The following ASTN2 variants were observed in gnomAD, a reference collection of about 807,000 sequenced individuals.
The protein encoded by ASTN2 is astrotactin 2.
In ASTN2, 54 loss-of-function variants were observed where a neutral mutation model predicts 139.8. The observed-to-expected ratio is 0.39, with a 90% CI of 0.31 to 0.48. The LOEUF (loss-of-function observed/expected upper bound fraction) is 0.48, where lower values mean the gene tolerates loss of function less well. ASTN2 is among the 20% of genes least tolerant of loss of function. The pLI is 0.95. For synonymous variants in ASTN2, 756 were observed against 719.5 expected, an observed-to-expected ratio of 1.05 and a Z score of -0.81; for missense variants, 1,565 against 1,725.1, an observed-to-expected ratio of 0.91 and a Z score of 1.64.
intron 19 of ASTN2, among the ~76,000 whole-genome samples, chr9:116,517,970 T>C (rs1310415081): frequency 6.6e-6 from 1 of 152,020 alleles, no homozygotes; most frequent in Non-Finnish European, 1.5e-5. Flanking sequence ...AAAAAAGAAC[T>C]TCAAAAAATG....
intron 20 of ASTN2, among the ~76,000 whole-genome samples, chr9:116,484,797 G>A (rs968802163): frequency 3.3e-5 from 5 of 152,236 alleles, no homozygotes; most frequent in Non-Finnish European, 5.9e-5. Flanking sequence ...GAAAGGAGGG[G>A]TGGTGTCAGG....
chr9:116,526,356 A>T (rs1361533159), intron 19 of ASTN2, among the ~76,000 whole-genome samples: 1 of 152,170 alleles, frequency 6.6e-6, no homozygotes, highest in Non-Finnish European at 1.5e-5. Context: ...TCATGCCTGT[A>T]ATCCCAGCAC....
rs116801287 is a variant in ASTN2, at chr9:116,820,602, G to A, written c.2207+15C>T. On this transcript the variant is annotated intron_variant, in intron 12 of 22. Transcript: ENST00000313400. ...CTGTAAATGGGGCACCTGGGCCTTGGGGACAGAGACTCACCCGCAGAACAT... is the reference window on the plus strand; with the variant it reads ...CTGTAAATGGGGCACCTGGGCCTTGAGGACAGAGACTCACCCGCAGAACAT... 2,170 of 1,610,480 alleles carry A rather than the reference G, an allele frequency of 1.3e-3. 25 individuals are homozygous for A. In the African/African-American group the frequency reaches 0.027, roughly 20 times the overall value.
rs113168039 is a variant in ASTN2 at position 117,087,363 on chromosome 9, T to C, written c.1276+8681A>G. 8.1e-3 allele frequency among the ~76,000 whole-genome samples: 1,237 copies of C among 152,112 alleles called. 18 individuals are homozygous for C. Among genetic ancestry groups the C allele is most frequent in the African/African-American group, 0.028 (1,165 of 41,462 alleles). On this transcript the variant is annotated intron_variant, in intron 5 of 22. Coordinates refer to ENST00000313400, the MANE Select transcript of ASTN2 (RefSeq NM_001365068.1). ...AATCCTCCAGCCTCAGCCTCCTGAG[T>C]AGCTGAAATTAAAGGCACATGCCAC...
chr9:116,529,095 G>C (rs1191523158), intron 19 of ASTN2, among the ~76,000 whole-genome samples: 1 of 152,114 alleles, frequency 6.6e-6, no homozygotes, highest in Non-Finnish European at 1.5e-5. Context: ...CCATCCTCCA[G>C]ACCCCAGAAT....
chr9:117,057,962 T>C (rs939442322), intron 5 of ASTN2, among the ~76,000 whole-genome samples: 8 of 152,194 alleles, frequency 5.3e-5, no homozygotes, highest in African/African-American at 1.9e-4. Flanking sequence ...CCTCTCTTTC[T>C]TCATAAAGGG....
intron 10 of ASTN2, among the ~76,000 whole-genome samples, chr9:116,883,362 T>C (rs1280215111): frequency 6.6e-6 from 1 of 152,208 alleles, no homozygotes; most frequent in Admixed American, 6.5e-5. Flanking sequence ...AGCATTTAAC[T>C]GGGTTGGATG....
intron 22 of ASTN2, among the ~76,000 whole-genome samples, chr9:116,435,616 T>C (rs1054496010): frequency 6.6e-6 from 1 of 152,242 alleles, no homozygotes; most frequent in African/African-American, 2.4e-5. Flanking sequence ...CATCTTTGCA[T>C]TGGTAATTCC....
At chr9:117,115,708 G>T (rs10983532) in intron 4 of ASTN2, among the ~76,000 whole-genome samples, 1 of 151,714 alleles carries the variant, frequency 6.6e-6, no homozygotes, top group Non-Finnish European at 1.5e-5. Context: ...CTGTGCAGTA[G>T]GCTAGGGGTA....
chr9:116,697,597 G>A, intron 16 of ASTN2: 1 of 1,044,484 alleles, frequency 9.6e-7, no homozygotes, highest in South Asian at 1.4e-5. Flanking sequence ...TTCTCTAAAT[G>A]TTTCTTGAGT....
intron 6 of ASTN2, among the ~76,000 whole-genome samples, chr9:117,031,394 C>T (rs190395218): frequency 7.6e-4 from 116 of 152,132 alleles, no homozygotes; most frequent in Non-Finnish European, 1.4e-3. Flanking sequence ...GTGGTCCTTG[C>T]CCTTGAAAAA....
At chr9:117,321,126 C>T (rs762438330) in intron 1 of ASTN2, among the ~76,000 whole-genome samples, 8 of 152,168 alleles carry the variant, frequency 5.3e-5, no homozygotes, top group Non-Finnish European at 1.0e-4. Context: ...GAGAGAAACA[C>T]GCCTGCCTAA....
rs541227245 is a variant in ASTN2 at position 117,414,968 on chromosome 9, C to CGGCGGCGGT, written c.-39_-31dup. ...GGAGGGGCTGCGGTGCTGCGGGCGG[C>CGGCGGCGGT]GGCGGCGGTGGCGGCGGTGGCGAAG... On this transcript the variant is annotated 5_prime_UTR_variant, in exon 1 of 23. Transcript: ENST00000313400. This position sits in a 1 kb window ranked among gnomAD's most constrained non-coding sequence, Gnocchi z 4.2. 1,813 of 239,220 alleles carry CGGCGGCGGT rather than the reference C, an allele frequency of 7.6e-3. 29 individuals are homozygous for CGGCGGCGGT. The highest frequency in any genetic ancestry group is 0.035 in the African/African-American group (1,501 of 42,778). The allele number at this position is 239,220 out of a possible 1,614,324, so 14.8% of individuals were successfully genotyped here.
At chr9:117,237,502 CAG>C (rs1564497003) in intron 2 of ASTN2, among the ~76,000 whole-genome samples, 1 of 152,092 alleles carries the variant, frequency 6.6e-6, no homozygotes, top group Admixed American at 6.6e-5. Flanking sequence ...TCTTTTGAGA[CAG>C]AGTTTTGCTC....
intron 7 of ASTN2, among the ~76,000 whole-genome samples, chr9:116,987,155 A>T (rs949967515): frequency 6.6e-6 from 1 of 152,370 alleles, no homozygotes; most frequent in East Asian, 1.9e-4. Flanking sequence ...GTCCTCAACC[A>T]AATCTCATAT....
chr9:116,617,963 T>C (rs1855936082), intron 19 of ASTN2, among the ~76,000 whole-genome samples: 2 of 152,294 alleles, frequency 1.3e-5, no homozygotes, highest in East Asian at 1.9e-4. Flanking sequence ...TTGTGTGAAT[T>C]TCCTTACCTC....
chr9:116,696,343 ACT>A (rs1860850452), intron 16 of ASTN2, among the ~76,000 whole-genome samples: 1 of 152,000 alleles, frequency 6.6e-6, no homozygotes. Flanking sequence ...CATTCTATAC[ACT>A]CTATATATTA....
rs977848333 is a variant in ASTN2 at position 116,869,567 on chromosome 9, T to C, written c.1890-5834A>G. 7.9e-5 allele frequency among the ~76,000 whole-genome samples: 12 copies of C among 152,236 alleles called. No homozygotes were observed. The East Asian group carries it at 2.1e-3, about 27-fold the overall frequency. On this transcript the variant is annotated intron_variant, in intron 10 of 22. Transcript: ENST00000313400. ...GTCACTCTCCATATTATCTGTGCCT[T>C]TATTTGGGAGGAGAAAAGACCAACT...
At chr9:117,008,969 C>T (rs1454281703) in intron 6 of ASTN2, among the ~76,000 whole-genome samples, 1 of 152,084 alleles carries the variant, frequency 6.6e-6, no homozygotes, top group African/African-American at 2.4e-5. Flanking sequence ...TCCCCAGCAC[C>T]TCTAAGGAAA....
Sources: gnomAD v4.1 joint callset for allele counts (sites outside exome capture counted in the v4.1 genomes callset) on GRCh38, gnomAD v4.1.1 for gene constraint, Gnocchi (gnomAD v3.1) non-coding constraint, MANE v1.5 for transcripts, NCBI Gene and HGNC (gene_info 2026-07-23, HGNC 2026-07-21) for gene names.